Variants in ESRP1 observed in about 807,000 individuals in gnomAD.
ESRP1 encodes the protein epithelial splicing regulatory protein 1.
ESRP1 carries 33 observed loss-of-function variants against 81.7 expected under a neutral mutation model. That is an observed-to-expected ratio of 0.40 (90% confidence interval 0.31 to 0.54). ESRP1 has a LOEUF of 0.54. Ranked by LOEUF, ESRP1 falls within the 20% of genes least tolerant of loss-of-function variation. ESRP1 has a pLI of 0.41. For synonymous variants in ESRP1, 320 were observed against 303.3 expected, an observed-to-expected ratio of 1.06 and a Z score of -0.57; for missense variants, 672 against 833.1, an observed-to-expected ratio of 0.81 and a Z score of 2.38.
intron 4 of ESRP1, among the ~76,000 whole-genome samples, chr8:94,657,968 C>T (rs1050196248): frequency 2.0e-5 from 3 of 152,100 alleles, no homozygotes; most frequent in Non-Finnish European, 4.4e-5. Context: ...TGGAGTGCAG[C>T]GGCCATGATC....
Position 94,641,294 on chromosome 8 carries a change from C to G in ESRP1, c.-25C>G, listed in dbSNP as rs1019535033. 5.0e-6 allele frequency: 8 copies of G among 1,595,946 alleles called. No individual in the cohort carries two copies. The highest frequency in any genetic ancestry group is 1.1e-5 in the South Asian group (1 of 90,244). On this transcript the variant is annotated 5_prime_UTR_variant, in exon 1 of 16. Transcript: ENST00000433389. ...ACCACCTTACCGCCTCCCGACCCCC[C>G]CTCTCCCCCTCCCCACCTATCGTCA...
At chr8:94,673,557 A>G (rs576723245) in intron 11 of ESRP1, among the ~76,000 whole-genome samples, 6 of 152,360 alleles carry the variant, frequency 3.9e-5, no homozygotes, top group African/African-American at 1.4e-4. Context: ...TTCGTGCTCA[A>G]TAAAACTAAG....
At chr8:94,672,228 A>C (rs1338693882) in intron 11 of ESRP1, among the ~76,000 whole-genome samples, 1 of 152,192 alleles carries the variant, frequency 6.6e-6, no homozygotes, top group Non-Finnish European at 1.5e-5. Context: ...CATGTTAGAC[A>C]TCAAATTACA....
intron 4 of ESRP1, among the ~76,000 whole-genome samples, chr8:94,660,879 A>C (rs538572379): frequency 2.3e-4 from 35 of 152,092 alleles, no homozygotes; most frequent in Non-Finnish European, 4.3e-4. Flanking sequence ...GGCAAACTTC[A>C]TTGTTGTCTT....
intron 15 of ESRP1, 165 bp from the exon 16 acceptor site, chr8:94,705,760 A>G (rs1010166704): frequency 1.6e-6 from 1 of 634,732 alleles, no homozygotes; most frequent in Non-Finnish European, 2.7e-6. Context: ...AGCCCTTGCC[A>G]TGTAAATGCC....
At chr8:94,674,629 T>G in intron 12 of ESRP1, 123 bp downstream of exon 12, 1 of 790,708 alleles carries the variant, frequency 1.3e-6, no homozygotes, top group Non-Finnish European at 2.0e-6. Flanking sequence ...TATAAGGCTC[T>G]CCCATCTGTA....
chr8:94,705,812 C>CT (rs1340186689), intron 15 of ESRP1, 113 bp from the exon 16 acceptor site: 6 of 967,670 alleles, frequency 6.2e-6, no homozygotes, highest in Non-Finnish European at 6.0e-6. Flanking sequence ...CATCTTAAGG[C>CT]TTTTTTTCCA....
intron 4 of ESRP1, among the ~76,000 whole-genome samples, chr8:94,647,620 C>T (rs1369494153): frequency 1.3e-5 from 2 of 152,042 alleles, no homozygotes; most frequent in Non-Finnish European, 2.9e-5. Flanking sequence ...ACCCTTTGAC[C>T]ATCATTTAAA....
At chr8:94,688,001 T>C (rs1809210796) in intron 13 of ESRP1, among the ~76,000 whole-genome samples, 1 of 152,194 alleles carries the variant, frequency 6.6e-6, no homozygotes, top group African/African-American at 2.4e-5. Flanking sequence ...GTAAGTGTTT[T>C]GTAGTTTTAG....
intron 13 of ESRP1, among the ~76,000 whole-genome samples, chr8:94,692,187 G>A (rs7812489): frequency 0.31 from 46,379 of 152,038 alleles, 8,692 homozygotes; most frequent in East Asian, 0.56. Flanking sequence ...TTGATTTGCT[G>A]TAGTACTGCT....
chr8:94,686,010 C>G (rs1464243109), intron 13 of ESRP1, among the ~76,000 whole-genome samples: 1 of 152,136 alleles, frequency 6.6e-6, no homozygotes, highest in Admixed American at 6.5e-5. Flanking sequence ...TGCAGTGGTG[C>G]AATCTCGGCT....
chr8:94,678,001 GT>G (rs899264468), intron 12 of ESRP1, among the ~76,000 whole-genome samples: 1 of 152,128 alleles, frequency 6.6e-6, no homozygotes, highest in Non-Finnish European at 1.5e-5. Context: ...GCAAAGAACT[GT>G]TTTTTAGGTT....
intron 15 of ESRP1, among the ~76,000 whole-genome samples, chr8:94,704,040 C>T (rs1809955967): frequency 1.3e-5 from 2 of 152,276 alleles, no homozygotes; most frequent in South Asian, 4.1e-4. Context: ...TTGGAAACCA[C>T]ATTTAAAAGA....
At chr8:94,678,135 T>A (rs1242790154) in intron 12 of ESRP1, 68 bp from the exon 13 acceptor site, 1 of 1,509,054 alleles carries the variant, frequency 6.6e-7, no homozygotes, top group Admixed American at 1.8e-5. Context: ...TGACTATGTT[T>A]TTAGTGCTAG....
At chr8:94,649,325 G>A (rs909796100) in intron 4 of ESRP1, among the ~76,000 whole-genome samples, 3 of 152,286 alleles carry the variant, frequency 2.0e-5, no homozygotes, top group South Asian at 2.1e-4. Context: ...GGGATTATAG[G>A]TGTTTGCCAC....
At chr8:94,667,718 G>A (rs766541914) in intron 9 of ESRP1, among the ~76,000 whole-genome samples, 3 of 152,128 alleles carry the variant, frequency 2.0e-5, no homozygotes, top group East Asian at 1.9e-4. Context: ...TGATTGGCCC[G>A]TGATTTAATT....
intron 10 of ESRP1, among the ~76,000 whole-genome samples, chr8:94,669,636 C>T (rs530650705): frequency 2.0e-5 from 3 of 151,918 alleles, no homozygotes; most frequent in African/African-American, 4.8e-5. Flanking sequence ...GAGTCCAAGG[C>T]GAGCGGATTG....
chr8:94,657,299 C>T (rs1440625674), intron 4 of ESRP1, among the ~76,000 whole-genome samples: 2 of 152,208 alleles, frequency 1.3e-5, no homozygotes, highest in African/African-American at 4.8e-5. Flanking sequence ...GAGGCACAGA[C>T]TCATCTTTCC....
At chr8:94,658,871 G>A (rs1818571063) in intron 4 of ESRP1, among the ~76,000 whole-genome samples, 1 of 152,112 alleles carries the variant, frequency 6.6e-6, no homozygotes, top group Admixed American at 6.6e-5. Flanking sequence ...TTGTTTTAGT[G>A]TGCTTCACTT....
Sources: allele counts gnomAD v4.1 joint callset (sites outside exome capture counted in the v4.1 genomes callset), GRCh38; gene constraint gnomAD v4.1.1; transcripts MANE v1.5; gene names NCBI Gene and HGNC (gene_info 2026-07-23, HGNC 2026-07-21).